The following LRRTM3 variants were observed in gnomAD, a reference collection of about 807,000 sequenced individuals.
The protein encoded by LRRTM3 is leucine rich repeat transmembrane neuronal 3, also known as leucine-rich repeat transmembrane neuronal protein 3.
A neutral mutation model predicts 44.7 loss-of-function variants in LRRTM3; 24 were observed. That is an observed-to-expected ratio of 0.54 (90% CI 0.39 to 0.76). The LOEUF (loss-of-function observed/expected upper bound fraction) is 0.76. Among genes scored for constraint, LRRTM3 ranks in the 30% least tolerant of loss-of-function variants. The pLI is 0.00. For synonymous variants in LRRTM3, 277 were observed against 278.7 expected (o/e 0.99, Z 0.06); for missense variants, 587 against 702.2 (o/e 0.84, Z 1.85).
chr10:67,028,923 C>T (rs978650822), intron 2 of LRRTM3, among the ~76,000 whole-genome samples: 2 of 152,106 alleles, frequency 1.3e-5, no homozygotes, highest in Non-Finnish European at 2.9e-5. Flanking sequence ...TAAGGCAAAA[C>T]TCAACTTTTT....
At chr10:67,028,464 AG>A (rs1853521941) in intron 2 of LRRTM3, among the ~76,000 whole-genome samples, 1 of 152,092 alleles carries the variant, frequency 6.6e-6, no homozygotes, top group Non-Finnish European at 1.5e-5. Flanking sequence ...AAAATCTAGA[AG>A]GTAGTACTTG....
chr10:66,934,301 A>G (rs1382295576), intron 2 of LRRTM3, among the ~76,000 whole-genome samples: 8 of 152,100 alleles, frequency 5.3e-5, no homozygotes, highest in African/African-American at 1.2e-4. Flanking sequence ...ACTTCTCCCA[A>G]TCAGGATTCT....
chr10:67,053,150 T>C (rs1855214681), intron 2 of LRRTM3, among the ~76,000 whole-genome samples: 1 of 152,242 alleles, frequency 6.6e-6, no homozygotes, highest in Non-Finnish European at 1.5e-5. Flanking sequence ...TTCTGTTTTC[T>C]GGGAACCAAT....
At chr10:67,009,546 T>G (rs1852197357) in intron 2 of LRRTM3, among the ~76,000 whole-genome samples, 1 of 152,138 alleles carries the variant, frequency 6.6e-6, no homozygotes, top group Non-Finnish European at 1.5e-5. Flanking sequence ...TTTGTTTGCT[T>G]GTCCGTATCA....
rs538397020 is a variant in LRRTM3, at chr10:67,043,717, T to C, written c.1537-53870T>C. ...CCTAAAAAGGAATCATCCATCTTTA[T>C]ATGTCTTTTCATCTATCATTGGTAT... On this transcript the variant is annotated intron_variant, in intron 2 of 2. Coordinates refer to ENST00000361320, the MANE Select transcript of LRRTM3 (RefSeq NM_178011.5). Among the ~76,000 whole-genome samples the C allele has an allele frequency of 3.3e-5, 5 of 152,290 alleles. No homozygotes were observed. The East Asian group carries it at 5.8e-4, about 18-fold the overall frequency.
At chr10:66,954,939 C>T (rs1925568) in intron 2 of LRRTM3, among the ~76,000 whole-genome samples, 65,277 of 151,902 alleles carry the variant, frequency 0.43, 15,575 homozygotes, top group East Asian at 0.6. Context: ...ATATATAAAA[C>T]GGAAGTAATA....
chr10:67,011,338 C>CAA (rs764795305), intron 2 of LRRTM3, among the ~76,000 whole-genome samples: 175 of 62,280 alleles, frequency 2.8e-3, no homozygotes, highest in East Asian at 0.014. Context: ...AAGTCTGTCT[C>CAA]AAAAAAAAAA....
intron 2 of LRRTM3, among the ~76,000 whole-genome samples, chr10:66,985,402 G>A (rs1850672363): frequency 6.6e-6 from 1 of 152,114 alleles, no homozygotes; most frequent in African/African-American, 2.4e-5. Flanking sequence ...TAGGGGAAGG[G>A]TGCCCAACAG....
intron 2 of LRRTM3, among the ~76,000 whole-genome samples, chr10:66,980,952 G>A (rs570109318): frequency 6.6e-6 from 1 of 152,046 alleles, no homozygotes; most frequent in Non-Finnish European, 1.5e-5. Flanking sequence ...TGTTGCCCAG[G>A]CTGGAGTGCG....
intron 2 of LRRTM3, among the ~76,000 whole-genome samples, chr10:67,065,024 T>C (rs1274149955): frequency 1.3e-5 from 2 of 152,178 alleles, no homozygotes; most frequent in Non-Finnish European, 2.9e-5. Context: ...CCACCAACAC[T>C]TATGGTCCTA....
chr10:67,097,803 T>C lies in LRRTM3; in HGVS notation c.*7T>C. On this transcript the variant is annotated 3_prime_UTR_variant, in exon 3 of 3. Transcript: ENST00000361320. ...TAAACAGCAGCTAGCTTAACTGAGA[T>C]CATTGGTAGCCAGGGGTTGCTACCA... is the stretch of plus-strand genomic sequence containing the variant. 2 of 1,611,686 alleles carry C rather than the reference T, an allele frequency of 1.2e-6. No homozygotes were observed. The highest frequency in any genetic ancestry group is 2.2e-5 in the South Asian group (2 of 91,028).
At chr10:67,034,159 T>C (rs1354862210) in intron 2 of LRRTM3, among the ~76,000 whole-genome samples, 2 of 152,228 alleles carry the variant, frequency 1.3e-5, no homozygotes. Flanking sequence ...CTAGTGCCAA[T>C]GGACTAGTTT....
intron 2 of LRRTM3, among the ~76,000 whole-genome samples, chr10:66,981,509 T>C (rs1393406281): frequency 6.6e-6 from 1 of 152,170 alleles, no homozygotes; most frequent in Non-Finnish European, 1.5e-5. Flanking sequence ...TTTCTCCTCC[T>C]CCTCATTTAC....
At chr10:66,977,661 T>C (rs1850127341) in intron 2 of LRRTM3, among the ~76,000 whole-genome samples, 1 of 152,214 alleles carries the variant, frequency 6.6e-6, no homozygotes. Flanking sequence ...GGGCCTTGTA[T>C]GTTTTAAAGG....
At chr10:67,045,906 T>C (rs1469135281) in intron 2 of LRRTM3, among the ~76,000 whole-genome samples, 1 of 152,236 alleles carries the variant, frequency 6.6e-6, no homozygotes, top group Non-Finnish European at 1.5e-5. Flanking sequence ...AAAGATTTAC[T>C]GGAAGAAAAA....
In LRRTM3 at chr10:66,965,321, G is replaced by T. The variant is rs192073990; in HGVS notation, c.1536+36869G>T. ...GGAGGCTAAGGCAGGTGGATCATGAGGTCAAGAGATCCAGACGATCTTGGC... is the reference window on the plus strand; with the variant it reads ...GGAGGCTAAGGCAGGTGGATCATGATGTCAAGAGATCCAGACGATCTTGGC... On this transcript the variant is annotated intron_variant, in intron 2 of 2. Transcript: ENST00000361320. Among the ~76,000 whole-genome samples, 88 of 152,144 alleles carry T rather than the reference G, an allele frequency of 5.8e-4. 1 individual carries two copies. The East Asian group carries it at 0.013, about 22-fold the overall frequency.
At chr10:66,967,454 A>C (rs1449406197) in intron 2 of LRRTM3, among the ~76,000 whole-genome samples, 1 of 151,964 alleles carries the variant, frequency 6.6e-6, no homozygotes, top group Non-Finnish European at 1.5e-5. Context: ...AATTACAATT[A>C]ATTAATCAAT....
chr10:66,968,527 A>T lies in LRRTM3; in HGVS notation c.1536+40075A>T, dbSNP rs12249820. On this transcript the variant is annotated intron_variant, in intron 2 of 2. Coordinates refer to ENST00000361320, the MANE Select transcript of LRRTM3 (RefSeq NM_178011.5). ...TATGAAGAAAGTTCATATCTAAAAAAACGTGGTTAGAAGCGATTGGATTCA... is the reference window on the plus strand; with the variant it reads ...TATGAAGAAAGTTCATATCTAAAAATACGTGGTTAGAAGCGATTGGATTCA... Among the ~76,000 whole-genome samples, 1,085 of 152,020 alleles carry T rather than the reference A, an allele frequency of 7.1e-3. 15 individuals are homozygous for T. The highest frequency in any genetic ancestry group is 0.025 in the African/African-American group (1,036 of 41,462).
At chr10:67,058,790 C>A (rs1346957019) in intron 2 of LRRTM3, among the ~76,000 whole-genome samples, 1 of 152,138 alleles carries the variant, frequency 6.6e-6, no homozygotes, top group African/African-American at 2.4e-5. Flanking sequence ...CATCACAGAG[C>A]ATCTACAAAC....
Sources: allele counts gnomAD v4.1 joint callset (sites outside exome capture counted in the v4.1 genomes callset), GRCh38; gene constraint gnomAD v4.1.1; transcripts MANE v1.5; gene names NCBI Gene and HGNC (gene_info 2026-07-23, HGNC 2026-07-21).